Variants in TTC28 observed in about 807,000 individuals in gnomAD.
TTC28 encodes the protein tetratricopeptide repeat domain 28, also known as tetratricopeptide repeat protein 28.
Under a neutral mutation model 198.0 loss-of-function variants are expected in TTC28, and 61 were observed. The ratio of observed to expected loss-of-function variants is 0.31; its 90% CI spans 0.25 to 0.38. The LOEUF is 0.38. Among genes scored for constraint, TTC28 ranks in the 10% least tolerant of loss-of-function variants. TTC28 has a pLI of 1.00. For synonymous variants in TTC28, 1,171 were observed against 1,297.8 expected (o/e 0.90, Z 2.10); for missense variants, 2,678 against 3,164.0 (o/e 0.85, Z 3.69).
At chr22:28,440,039 CT>C (rs1298475405) in intron 2 of TTC28, among the ~76,000 whole-genome samples, 12 of 152,188 alleles carry the variant, frequency 7.9e-5, no homozygotes, top group Non-Finnish European at 1.8e-4. Flanking sequence ...TTTCACCATG[CT>C]GGCCAGGCCG....
intron 2 of TTC28, among the ~76,000 whole-genome samples, chr22:28,629,274 T>C (rs989497743): frequency 6.6e-6 from 1 of 152,108 alleles, no homozygotes; most frequent in Admixed American, 6.6e-5. Flanking sequence ...TATAAAGAAC[T>C]AGAATGTATC....
At chr22:28,287,315 C>T (rs973905947) in intron 5 of TTC28, among the ~76,000 whole-genome samples, 8 of 152,110 alleles carry the variant, frequency 5.3e-5, no homozygotes, top group Non-Finnish European at 1.0e-4. Context: ...TCAATTTCTA[C>T]CTCAATGCAA....
At chr22:28,317,871 T>G (rs2045377123) in intron 2 of TTC28, among the ~76,000 whole-genome samples, 2 of 152,080 alleles carry the variant, frequency 1.3e-5, no homozygotes, top group Non-Finnish European at 2.9e-5. Context: ...GAGAAGGGTC[T>G]CCTTCCTGAG....
intron 2 of TTC28, among the ~76,000 whole-genome samples, chr22:28,341,601 G>T (rs959708646): frequency 9.9e-5 from 15 of 152,056 alleles, no homozygotes; most frequent in Non-Finnish European, 2.2e-4. Flanking sequence ...AGACCAGCCT[G>T]GTCAACATGG....
At chr22:28,326,372 T>C (rs2045530218) in intron 2 of TTC28, among the ~76,000 whole-genome samples, 1 of 152,138 alleles carries the variant, frequency 6.6e-6, no homozygotes, top group South Asian at 2.1e-4. Context: ...AATGAATGTA[T>C]ACATGTGTTA....
chr22:28,081,374 G>A (rs1941351322), intron 12 of TTC28, among the ~76,000 whole-genome samples: 1 of 151,928 alleles, frequency 6.6e-6, no homozygotes, highest in Non-Finnish European at 1.5e-5. Flanking sequence ...AAATTAGGAA[G>A]TATGATACCT....
chr22:28,595,408 C>G, intron 2 of TTC28, among the ~76,000 whole-genome samples: 1 of 152,180 alleles, frequency 6.6e-6, no homozygotes, highest in South Asian at 2.1e-4. Context: ...TACCCCTTGA[C>G]CTACTTCTAG....
At chr22:28,134,790 G>A (rs753411865) in intron 6 of TTC28, among the ~76,000 whole-genome samples, 1 of 152,186 alleles carries the variant, frequency 6.6e-6, no homozygotes, top group African/African-American at 2.4e-5. Context: ...TATTATCCAG[G>A]AGAACTGGAT....
intron 2 of TTC28, among the ~76,000 whole-genome samples, chr22:28,530,537 C>G (rs2049110923): frequency 6.6e-6 from 1 of 152,126 alleles, no homozygotes; most frequent in African/African-American, 2.4e-5. Context: ...GGCCAACATT[C>G]AAATTCAGGA....
At chr22:28,053,234 T>C (rs1433863800) in intron 12 of TTC28, among the ~76,000 whole-genome samples, 1 of 152,272 alleles carries the variant, frequency 6.6e-6, no homozygotes, top group African/African-American at 2.4e-5. Context: ...CCCTTCAGGA[T>C]GCAGGATGGC....
chr22:28,644,705 C>A (rs771068536), intron 1 of TTC28, among the ~76,000 whole-genome samples: 2 of 151,702 alleles, frequency 1.3e-5, no homozygotes, highest in Non-Finnish European at 2.9e-5. Context: ...TGCCTGTAGT[C>A]CCAGCTACTT....
At chr22:28,024,576 C>A (rs1224189454) in intron 13 of TTC28, among the ~76,000 whole-genome samples, 1 of 152,202 alleles carries the variant, frequency 6.6e-6, no homozygotes, top group Non-Finnish European at 1.5e-5. Flanking sequence ...ACAGCGATGA[C>A]CATCAGCCTG....
intron 2 of TTC28, among the ~76,000 whole-genome samples, chr22:28,327,456 G>T (rs2045550667): frequency 6.6e-6 from 1 of 152,140 alleles, no homozygotes; most frequent in South Asian, 2.1e-4. Context: ...TGTTAGCCAT[G>T]AATTCAATGT....
chr22:28,153,279 T>C (rs1010583120), intron 6 of TTC28, among the ~76,000 whole-genome samples: 2 of 151,786 alleles, frequency 1.3e-5, no homozygotes, highest in African/African-American at 4.8e-5. Context: ...TACCAAACTT[T>C]TACTCCAACC....
chr22:28,530,776 T>C (rs545704964), intron 2 of TTC28, among the ~76,000 whole-genome samples: 1 of 152,254 alleles, frequency 6.6e-6, no homozygotes, highest in South Asian at 2.1e-4. Flanking sequence ...AAGAAAAGAA[T>C]TTTCAACCAA....
At chr22:28,255,264 A>G (rs980921498) in intron 5 of TTC28, among the ~76,000 whole-genome samples, 1 of 152,202 alleles carries the variant, frequency 6.6e-6, no homozygotes, top group Non-Finnish European at 1.5e-5. Flanking sequence ...GTGACATAAT[A>G]TAACTGTGGG....
At chr22:28,059,724 G>A (rs1171595461) in intron 12 of TTC28, among the ~76,000 whole-genome samples, 2 of 151,790 alleles carry the variant, frequency 1.3e-5, no homozygotes, top group Non-Finnish European at 2.9e-5. Flanking sequence ...TTTGAAACTT[G>A]GTCACTAGGT....
intron 2 of TTC28, among the ~76,000 whole-genome samples, chr22:28,606,460 C>T (rs2050737943): frequency 2.0e-5 from 3 of 152,000 alleles, no homozygotes; most frequent in African/African-American, 2.4e-5. Flanking sequence ...TCTGTGAGTA[C>T]ATGTGTTTAT....
Position 28,105,693 on chromosome 22 carries a change from T to C in TTC28, c.2893A>G (p.Ser965Gly). The change falls in exon 8 of 23, where the codon AGT becomes GGT. Residue 965 changes from serine (S) to glycine (G), a missense_variant. Physicochemically the swap from Ser to Gly is moderately conservative, Grantham distance 56. Around this residue, in one of 8 missense-constraint regions of TTC28, gnomAD observed 727 missense variants for 861.9 expected, o/e 0.84. Coordinates refer to ENST00000397906, the MANE Select transcript of TTC28 (RefSeq NM_001145418.2). Reference sequence around the variant, plus strand: ...TAATTCCCTAATTGGCTGTGCAGACTTCCCAGCTCTCCATAGGCCTGGGCT... The same window carrying C: ...TAATTCCCTAATTGGCTGTGCAGACCTCCCAGCTCTCCATAGGCCTGGGCT... The part of the protein sequence containing the change: ...NKAQAYGELG[S>G]LHSQLGNYEQ... The C allele has an allele frequency of 6.4e-7, 1 of 1,551,860 alleles. No individual in the cohort carries two copies. The highest frequency in any genetic ancestry group is 8.7e-7 in the Non-Finnish European group (1 of 1,147,048).
Sources: allele counts gnomAD v4.1 joint callset (sites outside exome capture counted in the v4.1 genomes callset), GRCh38; gene constraint gnomAD v4.1.1; regional missense constraint gnomAD v4.1.1; transcripts MANE v1.5; gene names NCBI Gene and HGNC (gene_info 2026-07-23, HGNC 2026-07-21).